GGACT: variants seen among roughly 807,000 people sequenced by gnomAD.
GGACT encodes gamma-glutamylaminecyclotransferase.
For missense variants in GGACT, 241 were observed against 233.2 expected (o/e 1.03, Z -0.22); for synonymous variants, 118 against 115.3 (o/e 1.02, Z -0.15).
intron 2 of GGACT, chr13:100,538,454 T>A (rs1420989938): frequency 6.6e-6 from 1 of 152,250 alleles, no homozygotes; most frequent in African/African-American, 2.4e-5. Context: ...AAAATACACA[T>A]AACATAAAAT....
intron 2 of GGACT, among the ~76,000 whole-genome samples, chr13:100,577,536 TA>T (rs1218739479): frequency 1.3e-5 from 2 of 152,050 alleles, no homozygotes; most frequent in East Asian, 3.8e-4. Context: ...TATATTTATG[TA>T]AAAAACCCTC....
At chr13:100,565,539 G>C (rs78177081) in intron 2 of GGACT, among the ~76,000 whole-genome samples, 1 of 88,650 alleles carries the variant, frequency 1.1e-5, no homozygotes, top group South Asian at 6.3e-4. Context: ...TTCTGCAAAA[G>C]CATCTCTGCA....
At chr13:100,547,399 T>A (rs573406855) in intron 2 of GGACT, among the ~76,000 whole-genome samples, 9 of 152,310 alleles carry the variant, frequency 5.9e-5, no homozygotes, top group East Asian at 1.9e-4. Context: ...GGGGATACAT[T>A]TGTCAAAATC....
intron 2 of GGACT, chr13:100,540,148 T>C: frequency 6.3e-7 from 1 of 1,591,812 alleles, no homozygotes; most frequent in Non-Finnish European, 8.5e-7. Context: ...CTTAATGGCG[T>C]TGTCCTTGGG....
intron 2 of GGACT, chr13:100,540,159 C>G (rs1156708424): frequency 1.3e-6 from 2 of 1,581,286 alleles, no homozygotes; most frequent in Non-Finnish European, 8.6e-7. Flanking sequence ...TGTCCTTGGG[C>G]ACGCATCGGG....
At chr13:100,558,833 G>C (rs1048134266) in intron 2 of GGACT, among the ~76,000 whole-genome samples, 1 of 152,142 alleles carries the variant, frequency 6.6e-6, no homozygotes, top group Non-Finnish European at 1.5e-5. Context: ...AGGTAGCTAG[G>C]GGGAGAGGGG....
At chr13:100,564,755 T>C (rs2088795932) in intron 2 of GGACT, among the ~76,000 whole-genome samples, 1 of 152,196 alleles carries the variant, frequency 6.6e-6, no homozygotes, top group African/African-American at 2.4e-5. Context: ...ATTACATTTT[T>C]TACTTTCAAC....
chr13:100,551,613 TTGAG>T (rs2088665312), intron 2 of GGACT, among the ~76,000 whole-genome samples: 1 of 152,122 alleles, frequency 6.6e-6, no homozygotes, highest in African/African-American at 2.4e-5. Context: ...TATTGGCCCT[TTGAG>T]TGGGTCCCCT....
intron 2 of GGACT, among the ~76,000 whole-genome samples, chr13:100,583,401 A>T (rs946114198): frequency 6.6e-6 from 1 of 152,256 alleles, no homozygotes; most frequent in Non-Finnish European, 1.5e-5. Context: ...TATAGTACGT[A>T]TGACAAAAGA....
At chr13:100,584,457 A>C (rs1875506072) in intron 1 of GGACT, among the ~76,000 whole-genome samples, 1 of 152,194 alleles carries the variant, frequency 6.6e-6, no homozygotes, top group Non-Finnish European at 1.5e-5. Context: ...AGAGATCAGA[A>C]TGATGGTTAC....
chr13:100,542,842 C>G (rs896137910), intron 2 of GGACT, among the ~76,000 whole-genome samples: 3 of 152,228 alleles, frequency 2.0e-5, no homozygotes. Flanking sequence ...AGCTGTCCAT[C>G]TGGTCGGGCG....
Position 100,571,509 on chromosome 13 carries a change from G to A in GGACT, c.-11+12316C>T, listed in dbSNP as rs1875081945. Among the ~76,000 whole-genome samples the A allele has an allele frequency of 2.0e-5, 3 of 152,026 alleles. No individual in the cohort carries two copies. In the South Asian group the frequency reaches 6.2e-4, roughly 32 times the overall value. On this transcript the variant is annotated intron_variant, in intron 2 of 2. Coordinates refer to ENST00000683975, the MANE Select transcript of GGACT (RefSeq NM_001195087.2). ...TAATTTTAATTTTTGTAGAGACGGGGTCTCATTTGGCCAGGCTGGTTTCAA... is the reference window on the plus strand; with the variant it reads ...TAATTTTAATTTTTGTAGAGACGGGATCTCATTTGGCCAGGCTGGTTTCAA...
chr13:100,545,470 G>A lies in GGACT; in HGVS notation c.-10-12869C>T, dbSNP rs1422777139. Among the ~76,000 whole-genome samples the A allele has an allele frequency of 6.6e-6, 1 of 152,102 alleles. No individual in the cohort carries two copies. Among genetic ancestry groups the A allele is most frequent in the Non-Finnish European group, 1.5e-5 (1 of 68,010 alleles). On this transcript the variant is annotated intron_variant, in intron 2 of 2. Transcript: ENST00000683975. This position sits in a 1 kb window ranked among gnomAD's most constrained non-coding sequence, Gnocchi z 4.4. Reference sequence around the variant, plus strand: ...CCTCACTGCCCCCAAGCACTCCAGGGCCCCAGGCAGCCAGTGGCCTGGGCT... The same window carrying A: ...CCTCACTGCCCCCAAGCACTCCAGGACCCCAGGCAGCCAGTGGCCTGGGCT...
chr13:100,583,749 A>G (rs1319202130), intron 2 of GGACT, 76 bp downstream of exon 2: 1 of 152,188 alleles, frequency 6.6e-6, no homozygotes. Flanking sequence ...AACTGGCACT[A>G]TTTGTCAGCA....
At chr13:100,558,037 G>A (rs541094385) in intron 2 of GGACT, among the ~76,000 whole-genome samples, 11 of 152,028 alleles carry the variant, frequency 7.2e-5, no homozygotes, top group South Asian at 2.1e-4. Flanking sequence ...AAAATTAGCC[G>A]GATATGGTGG....
At position 100,568,489 on chromosome 13, in the gene GGACT, C is replaced by G. The variant is rs182822609; in HGVS notation, c.-11+15336G>C. On this transcript the variant is annotated intron_variant, in intron 2 of 2. Transcript: ENST00000683975. ...TTTTGTGAGAACTAACTCACTATCA[C>G]GAGAACAGGATAGGAGAAACCATCC... 3.5e-4 allele frequency among the ~76,000 whole-genome samples: 54 copies of G among 152,346 alleles called. 1 individual carries two copies. The East Asian group carries it at 5.0e-3, about 14-fold the overall frequency.
chr13:100,550,641 T>G (rs1470011737), intron 2 of GGACT, among the ~76,000 whole-genome samples: 1 of 152,178 alleles, frequency 6.6e-6, no homozygotes, highest in East Asian at 1.9e-4. Context: ...GAAAAAGCAC[T>G]TAAAGGCCCA....
At chr13:100,566,768 A>G (rs1179373529) in intron 2 of GGACT, among the ~76,000 whole-genome samples, 1 of 152,222 alleles carries the variant, frequency 6.6e-6, no homozygotes, top group Non-Finnish European at 1.5e-5. Context: ...ACTACACTAC[A>G]ACCTGTGACA....
intron 2 of GGACT, among the ~76,000 whole-genome samples, chr13:100,566,633 G>A (rs1054174029): frequency 1.1e-4 from 1 of 9,272 alleles, no homozygotes; most frequent in Non-Finnish European, 1.1e-3. Flanking sequence ...CTCAGCCCTG[G>A]TAACTGGGTG....
Sources: allele counts gnomAD v4.1 joint callset (sites outside exome capture counted in the v4.1 genomes callset), GRCh38; gene constraint gnomAD v4.1.1; non-coding constraint Gnocchi (gnomAD v3.1); transcripts MANE v1.5; gene names NCBI Gene and HGNC (gene_info 2026-07-23, HGNC 2026-07-21).